SKIC2: variants seen among roughly 807,000 people sequenced by gnomAD.
The protein encoded by SKIC2 is SKI2 subunit of superkiller complex.
At chr6:31,967,193 G>A in the SKIC2 span, 1 of 1,607,734 alleles carries the variant, frequency 6.2e-7, no homozygotes, top group Admixed American at 1.7e-5. This position sits in a 1 kb window ranked among gnomAD's most constrained non-coding sequence, Gnocchi z 4.9. Flanking sequence ...AGAGAAGATC[G>A]TGTTACTCTA....
At chr6:31,968,640 C>T in the SKIC2 span, 1 of 1,564,076 alleles carries the variant, frequency 6.4e-7, no homozygotes, top group Non-Finnish European at 8.8e-7. The surrounding 1 kb of genome is among the most constrained non-coding windows in gnomAD (Gnocchi z 6.1). Context: ...CCTCAGTGCA[C>T]CCCTGCTAAG....
chr6:31,963,900 C>T, the SKIC2 span: 1 of 1,606,076 alleles, frequency 6.2e-7, no homozygotes, highest in South Asian at 1.1e-5. The surrounding 1 kb of genome is among the most constrained non-coding windows in gnomAD (Gnocchi z 5.3). Flanking sequence ...TCCCCTTCCC[C>T]TTCCTTCTCC....
chr6:31,967,508 C>T, the SKIC2 span: 53 of 588,292 alleles, frequency 9.0e-5, no homozygotes, highest in Non-Finnish European at 1.2e-4. The surrounding 1 kb of genome is among the most constrained non-coding windows in gnomAD (Gnocchi z 4.9). Flanking sequence ...CCTTTTCACC[C>T]TCTCCCTTCC....
the SKIC2 span, chr6:31,966,020 G>C: frequency 6.4e-7 from 1 of 1,551,880 alleles, no homozygotes; most frequent in East Asian, 2.3e-5. This position sits in a 1 kb window ranked among gnomAD's most constrained non-coding sequence, Gnocchi z 5.9. Context: ...GATGGTGAGC[G>C]GGCCAGCATG....
chr6:31,961,899 T>G, the SKIC2 span: 2 of 1,612,696 alleles, frequency 1.2e-6, no homozygotes, highest in South Asian at 1.1e-5. Context: ...TCTATTTCTC[T>G]CTCCCATAGT....
chr6:31,960,601 G>T, the SKIC2 span: 1 of 1,581,798 alleles, frequency 6.3e-7, no homozygotes, highest in African/African-American at 1.3e-5. Context: ...CTCCAGGGAA[G>T]GGTTCCCCAC....
chr6:31,960,940 C>T, the SKIC2 span: 1 of 980,546 alleles, frequency 1.0e-6, no homozygotes, highest in Non-Finnish European at 1.6e-6. Context: ...ACATCCCTAT[C>T]TACAGCATCT....
At chr6:31,968,814 TG>T in the SKIC2 span, 7 of 1,561,042 alleles carry the variant, frequency 4.5e-6, no homozygotes, top group Non-Finnish European at 4.4e-6. This position sits in a 1 kb window ranked among gnomAD's most constrained non-coding sequence, Gnocchi z 6.1. Flanking sequence ...GGGCAGTGGT[TG>T]GGGCAGGGGG....
the SKIC2 span, chr6:31,962,892 C>A: frequency 1.5e-6 from 2 of 1,320,768 alleles, no homozygotes; most frequent in African/African-American, 1.4e-5. The surrounding 1 kb of genome is among the most constrained non-coding windows in gnomAD (Gnocchi z 5.0). Context: ...CCCCTTACTG[C>A]TTTCTTTACC....
chr6:31,967,551 C>G, the SKIC2 span, among the ~76,000 whole-genome samples: 1 of 152,160 alleles, frequency 6.6e-6, no homozygotes, highest in Admixed American at 6.5e-5. This position sits in a 1 kb window ranked among gnomAD's most constrained non-coding sequence, Gnocchi z 4.9. Flanking sequence ...CTTCCTCCCA[C>G]CACCCCAAGA....
chr6:31,963,761 C>CCAG, the SKIC2 span: 1 of 1,532,408 alleles, frequency 6.5e-7, no homozygotes, highest in Non-Finnish European at 8.8e-7. This position sits in a 1 kb window ranked among gnomAD's most constrained non-coding sequence, Gnocchi z 5.3. Context: ...TTTGTACCTG[C>CCAG]CAGCACCTGT....
chr6:31,968,285 GAGA>G, the SKIC2 span: 4 of 1,526,116 alleles, frequency 2.6e-6, no homozygotes, highest in Middle Eastern at 1.7e-4. This position sits in a 1 kb window ranked among gnomAD's most constrained non-coding sequence, Gnocchi z 6.1. Flanking sequence ...TTCTGGGGGA[GAGA>G]AGATCTTACC....
chr6:31,962,664 G>T, the SKIC2 span: 900,684 of 1,603,580 alleles, frequency 0.56, 258,385 homozygotes, highest in Middle Eastern at 0.79. This position sits in a 1 kb window ranked among gnomAD's most constrained non-coding sequence, Gnocchi z 5.0. Flanking sequence ...GTCTGAGGAG[G>T]GGGTGGAGAC....
chr6:31,961,978 G>T, the SKIC2 span: 1 of 1,612,962 alleles, frequency 6.2e-7, no homozygotes, highest in Non-Finnish European at 8.5e-7. Flanking sequence ...CTCTGTCTTT[G>T]TCGCAGCTCA....
the SKIC2 span, chr6:31,960,406 A>T: frequency 3.1e-6 from 5 of 1,601,026 alleles, no homozygotes; most frequent in Non-Finnish European, 4.3e-6. Flanking sequence ...GCTCAGCCTC[A>T]TTGGGGCTCT....
the SKIC2 span, chr6:31,960,130 T>C: frequency 6.2e-7 from 1 of 1,611,180 alleles, no homozygotes; most frequent in Non-Finnish European, 8.5e-7. Context: ...GTGAGGAGTC[T>C]GGAGGGGCTT....
At chr6:31,961,374 C>A in the SKIC2 span, 1 of 1,554,818 alleles carries the variant, frequency 6.4e-7, no homozygotes, top group South Asian at 1.2e-5. Flanking sequence ...GCTTGGAAGA[C>A]CTAGTGTTGA....
At chr6:31,961,334 C>T in the SKIC2 span, 43 of 1,588,050 alleles carry the variant, frequency 2.7e-5, no homozygotes, top group Non-Finnish European at 3.3e-5. Context: ...TCAGCCTCTC[C>T]CTGCAGTGCT....
At chr6:31,967,809 C>T in the SKIC2 span, 1 of 1,612,998 alleles carries the variant, frequency 6.2e-7, no homozygotes, top group Non-Finnish European at 8.5e-7. The surrounding 1 kb of genome is among the most constrained non-coding windows in gnomAD (Gnocchi z 4.9). Context: ...CCAGCCACTG[C>T]AGAGGTGCCC....
Sources: allele counts gnomAD v4.1 joint callset (sites outside exome capture counted in the v4.1 genomes callset), GRCh38; gene constraint gnomAD v4.1.1; non-coding constraint Gnocchi (gnomAD v3.1); transcripts MANE v1.5; gene names NCBI Gene and HGNC (gene_info 2026-07-23, HGNC 2026-07-21).